The following LAMC3 variants were observed in gnomAD, a reference collection of about 807,000 sequenced individuals.
LAMC3 encodes the protein laminin subunit gamma-3.
LAMC3 carries 128 observed loss-of-function variants against 173.8 expected under a neutral mutation model. That is an observed-to-expected ratio of 0.74 (90% CI 0.64 to 0.85). The LOEUF (loss-of-function observed/expected upper bound fraction) is 0.85. Among genes scored for constraint, LAMC3 ranks in the 40% least tolerant of loss-of-function variants. The probability of loss-of-function intolerance (pLI) is 0.00; values close to 1 mark genes in which losing one functional copy is unlikely to be tolerated. For missense variants in LAMC3, 2,022 were observed against 2,156.0 expected (o/e 0.94, Z 1.23); for synonymous variants, 897 against 909.1 (o/e 0.99, Z 0.24).
rs1280211883 is a variant in LAMC3, at chr9:131,072,700, G to A, written c.3282G>A (p.Leu1094=). Residue 1094 remains leucine, a synonymous_variant, in exon 19 of 28, where the codon CTG becomes CTA. Coordinates refer to ENST00000361069, the MANE Select transcript of LAMC3 (RefSeq NM_006059.4). ...EGAVKAAREQ[L]QRLNKGARCA... is the part of the protein sequence containing the mutation. ...CTGTCAAGGCCGCCCGGGAGCAGCT[G>A]CAGAGGCTGAACAAGGGTGCCCGCT... 5 of 1,612,244 alleles carry A rather than the reference G, an allele frequency of 3.1e-6. No homozygotes were observed. The highest frequency in any genetic ancestry group is 3.4e-6 in the Non-Finnish European group (4 of 1,179,844).
chr9:131,077,767 G>A (rs1830161168), intron 22 of LAMC3, among the ~76,000 whole-genome samples: 1 of 148,916 alleles, frequency 6.7e-6, no homozygotes, highest in Non-Finnish European at 1.5e-5. Context: ...AGGTGATATG[G>A]CTCATTTTTA....
intron 11 of LAMC3, among the ~76,000 whole-genome samples, chr9:131,054,938 C>G (rs931605198): frequency 6.6e-6 from 1 of 151,374 alleles, no homozygotes; most frequent in African/African-American, 2.4e-5. Context: ...GGAGGTTGTT[C>G]CTTGTCATTA....
intron 25 of LAMC3, among the ~76,000 whole-genome samples, chr9:131,086,596 G>C (rs1278314598): frequency 1.2e-4 from 1 of 8,204 alleles, no homozygotes; most frequent in Non-Finnish European, 2.8e-4. Context: ...TTGCAGAGAT[G>C]AGGAGTCTCG....
intron 3 of LAMC3, 86 bp from the exon 4 acceptor site, chr9:131,036,080 T>C (rs1833937863): frequency 6.9e-7 from 1 of 1,445,312 alleles, no homozygotes; most frequent in South Asian, 1.1e-5. Flanking sequence ...GGCTCACACC[T>C]GCAAACAGGG....
intron 23 of LAMC3, among the ~76,000 whole-genome samples, chr9:131,079,602 G>T (rs776543212): frequency 1.3e-5 from 2 of 152,144 alleles, no homozygotes; most frequent in Non-Finnish European, 2.9e-5. Flanking sequence ...GCTGAGGCAG[G>T]AGAATCGCTT....
Position 131,045,629 on chromosome 9 carries a change from G to A in LAMC3, c.1488G>A (p.Gln496=). 1 of 1,614,164 alleles carries A rather than the reference G, an allele frequency of 6.2e-7. No homozygotes were observed. The highest frequency in any genetic ancestry group is 8.5e-7 in the Non-Finnish European group (1 of 1,180,050). ...TGTGCGCGTCCACTGCCCAGTTCCA[G>A]GTGCATCACATCCTCAGCGATTTCC... ...SKVCASTAQF[Q]VHHILSDFHQ... Residue 496 remains glutamine (Q), a synonymous_variant, in exon 8 of 28, where the codon CAG becomes CAA. Coordinates refer to ENST00000361069, the MANE Select transcript of LAMC3 (RefSeq NM_006059.4).
intron 7 of LAMC3, among the ~76,000 whole-genome samples, chr9:131,043,647 A>G (rs1209512736): frequency 6.6e-6 from 1 of 152,250 alleles, no homozygotes; most frequent in Non-Finnish European, 1.5e-5. Context: ...GATTGAATAC[A>G]TAAATAGATG....
chr9:131,063,331 A>G lies in LAMC3; in HGVS notation c.2347+2108A>G, dbSNP rs537510333. 3.3e-5 allele frequency among the ~76,000 whole-genome samples: 5 copies of G among 152,330 alleles called. No individual in the cohort carries two copies. The South Asian group carries it at 1.0e-3, about 32-fold the overall frequency. On this transcript the variant is annotated intron_variant, in intron 13 of 27. Coordinates refer to ENST00000361069, the MANE Select transcript of LAMC3 (RefSeq NM_006059.4). Reference sequence around the variant, plus strand: ...ACTGTGGCTCCCCTGGCCTGCAGACATGCACGAGGCCCACCCAGTGAGAGT... The same window carrying G: ...ACTGTGGCTCCCCTGGCCTGCAGACGTGCACGAGGCCCACCCAGTGAGAGT...
rs539084254 is a variant in LAMC3 at position 131,049,134 on chromosome 9, C to A, written c.1630+4C>A. ...GAGGAGGAGCTCACAGCACCAGGTA[C>A]CTCCAGCACCAGGTGGGGGCTGGCC... On this transcript the variant is annotated splice_donor_region_variant and intron_variant, in intron 9 of 27. Transcript: ENST00000361069. 3 of 1,529,542 alleles carry A rather than the reference C, an allele frequency of 2.0e-6. No homozygotes were observed. Among genetic ancestry groups the A allele is most frequent in the Non-Finnish European group, 2.7e-6 (3 of 1,126,742 alleles). 94.7% of individuals were successfully genotyped at this position (1,529,542 alleles called of 1,614,324 possible). A position where few individuals can be genotyped will look rare whatever the true frequency, so the allele number is the denominator to read the frequency against.
chr9:131,035,589 C>T (rs1833928663), intron 3 of LAMC3, among the ~76,000 whole-genome samples: 1 of 152,182 alleles, frequency 6.6e-6, no homozygotes, highest in Admixed American at 6.5e-5. Context: ...TTGGGGATTG[C>T]AGTTTGACAC....
intron 7 of LAMC3, 122 bp from the exon 8 acceptor site, chr9:131,045,402 A>T: frequency 8.7e-7 from 1 of 1,148,020 alleles, no homozygotes; most frequent in South Asian, 1.3e-5. Flanking sequence ...TTCTGAAAAA[A>T]AATTGTTTTT....
At chr9:131,041,360 C>A (rs1834052080) in intron 6 of LAMC3, among the ~76,000 whole-genome samples, 1 of 17,468 alleles carries the variant, frequency 5.7e-5, no homozygotes. Context: ...AAGTGTGACT[C>A]TGTCCCAAAA....
At chr9:131,076,418 C>T (rs1830127764) in intron 21 of LAMC3, among the ~76,000 whole-genome samples, 2 of 148,192 alleles carry the variant, frequency 1.3e-5, no homozygotes, top group South Asian at 4.4e-4. Context: ...GGAGACTCCC[C>T]AGCATCTTGC....
intron 25 of LAMC3, among the ~76,000 whole-genome samples, chr9:131,087,065 A>T (rs1830344372): frequency 1.3e-5 from 2 of 152,144 alleles, no homozygotes; most frequent in African/African-American, 4.8e-5. Flanking sequence ...TTGGTGCCAA[A>T]TTCTAATCAG....
chr9:131,086,011 G>T, intron 25 of LAMC3: 1 of 503,460 alleles, frequency 2.0e-6, no homozygotes. Context: ...AAACTTCTAG[G>T]TTTTTCTTTT....
chr9:131,069,456 A>G (rs951684209), intron 16 of LAMC3, among the ~76,000 whole-genome samples: 2 of 152,158 alleles, frequency 1.3e-5, no homozygotes, highest in African/African-American at 4.8e-5. Context: ...TGGTCCTCAG[A>G]TCCCGAGGGA....
At chr9:131,036,092 C>A in intron 3 of LAMC3, 74 bp from the exon 4 acceptor site, 1 of 1,508,138 alleles carries the variant, frequency 6.6e-7, no homozygotes, top group Non-Finnish European at 9.2e-7. Context: ...CAAACAGGGG[C>A]TACCTGGTGA....
At chr9:131,012,732 C>T (rs1833444351) in intron 1 of LAMC3, among the ~76,000 whole-genome samples, 1 of 152,226 alleles carries the variant, frequency 6.6e-6, no homozygotes, top group South Asian at 2.1e-4. Flanking sequence ...CCTTAGGCCA[C>T]CTCTGCTGGC....
chr9:131,040,768 G>A (rs918074299), intron 6 of LAMC3, among the ~76,000 whole-genome samples: 9 of 152,008 alleles, frequency 5.9e-5, no homozygotes, highest in Non-Finnish European at 8.8e-5. Context: ...CCCCGCTCTC[G>A]GGACACCTTC....
Sources: allele counts gnomAD v4.1 joint callset (sites outside exome capture counted in the v4.1 genomes callset), GRCh38; gene constraint gnomAD v4.1.1; transcripts MANE v1.5; gene names NCBI Gene and HGNC (gene_info 2026-07-23, HGNC 2026-07-21).